The following PTPRS variants were observed in gnomAD, a reference collection of about 807,000 sequenced individuals.
The protein encoded by PTPRS is receptor-type tyrosine-protein phosphatase S.
In PTPRS, 63 loss-of-function variants were observed where a neutral mutation model predicts 215.3. The observed-to-expected ratio is 0.29, with a 90% CI of 0.24 to 0.36. The LOEUF is 0.36. Ranked by LOEUF, PTPRS falls within the 10% of genes least tolerant of loss-of-function variation. PTPRS has a pLI of 1.00. For synonymous variants in PTPRS, 1,404 were observed against 1,191.4 expected, an observed-to-expected ratio of 1.18 and a Z score of -3.68; for missense variants, 2,258 against 2,825.8, an observed-to-expected ratio of 0.80 and a Z score of 4.56.
intron 1 of PTPRS, among the ~76,000 whole-genome samples, chr19:5,331,188 T>A (rs1270779046): frequency 7.0e-6 from 1 of 142,808 alleles, no homozygotes; most frequent in African/African-American, 2.7e-5. Context: ...TGGAGTGGAG[T>A]GATGCAATCA....
Position 5,245,903 on chromosome 19 carries a change from G to A in PTPRS, c.861C>T (p.Pro287=), listed in dbSNP as rs377361599. The A allele has an allele frequency of 3.8e-5, 61 of 1,613,832 alleles. No individual in the cohort carries two copies. Among genetic ancestry groups the A allele is most frequent in the Non-Finnish European group, 4.2e-5 (49 of 1,179,992 alleles). The change falls in exon 10 of 38, where the codon CCC becomes CCT. Residue 287 remains proline (P), a synonymous_variant. Transcript: ENST00000262963. ...TCCGACCCACGGGCATGTCATCCTC[G>A]GGGGTCAGGTCCTCGGCCCCCTGCA... ...KWMQGAEDLT[P]EDDMPVGRNV...
At chr19:5,298,663 G>T (rs1366872385) in intron 1 of PTPRS, among the ~76,000 whole-genome samples, 1 of 152,214 alleles carries the variant, frequency 6.6e-6, no homozygotes, top group East Asian at 1.9e-4. Context: ...CCTGGCGCCG[G>T]GTCTACCCGC....
intron 19 of PTPRS, among the ~76,000 whole-genome samples, chr19:5,221,631 G>A (rs929182912): frequency 6.6e-6 from 1 of 152,066 alleles, no homozygotes; most frequent in African/African-American, 2.4e-5. Context: ...ACCCACCTCT[G>A]AGACCTGATC....
intron 17 of PTPRS, among the ~76,000 whole-genome samples, chr19:5,225,348 T>C (rs1257734487): frequency 1.3e-5 from 2 of 152,042 alleles, no homozygotes; most frequent in African/African-American, 2.4e-5. Flanking sequence ...AGGGAAGGCT[T>C]TCCAGGGCCA....
At chr19:5,334,646 C>T (rs754731149) in intron 1 of PTPRS, among the ~76,000 whole-genome samples, 19 of 152,164 alleles carry the variant, frequency 1.2e-4, no homozygotes, top group African/African-American at 3.6e-4. Context: ...GTCTCTGTAG[C>T]GATTCAGGTG....
chr19:5,269,297 C>T (rs372446108), intron 4 of PTPRS, among the ~76,000 whole-genome samples: 12 of 152,110 alleles, frequency 7.9e-5, no homozygotes, highest in African/African-American at 2.4e-4. Context: ...AGGTCTCGGC[C>T]GCCTGACGCT....
intron 1 of PTPRS, among the ~76,000 whole-genome samples, chr19:5,298,763 C>T (rs1198115050): frequency 6.6e-6 from 1 of 152,246 alleles, no homozygotes; most frequent in East Asian, 1.9e-4. Flanking sequence ...GCAGGCCAGG[C>T]TACCTTCCCC....
intron 16 of PTPRS, among the ~76,000 whole-genome samples, chr19:5,228,873 G>A (rs1426650957): frequency 1.3e-5 from 2 of 152,176 alleles, no homozygotes; most frequent in Non-Finnish European, 2.9e-5. Flanking sequence ...GAATGAAGAC[G>A]ACAGCATATC....
intron 14 of PTPRS, 67 bp downstream of exon 14, chr19:5,231,242 TG>T: frequency 6.8e-7 from 1 of 1,480,382 alleles, no homozygotes; most frequent in South Asian, 1.3e-5. Context: ...GGTTTCCAGA[TG>T]GAAGGCTTCG....
At chr19:5,229,173 A>G in intron 16 of PTPRS, 143 bp downstream of exon 16, 2 of 943,168 alleles carry the variant, frequency 2.1e-6, no homozygotes, top group Non-Finnish European at 2.8e-6. Context: ...TCCAAGAGGT[A>G]ATGGGAGAGC....
Position 5,257,442 on chromosome 19 carries a change from T to C in PTPRS, c.706+575A>G. Reference sequence around the variant, plus strand: ...TGGACTGCCCTTCTCGGAGAGTCATTAGGAAGAGGCAGAAGGCGCCGGGCT... The same window carrying C: ...TGGACTGCCCTTCTCGGAGAGTCATCAGGAAGAGGCAGAAGGCGCCGGGCT... On this transcript the variant is annotated intron_variant, in intron 8 of 37. Coordinates refer to ENST00000262963, the MANE Select transcript of PTPRS (RefSeq NM_002850.4). This position sits in a 1 kb window ranked among gnomAD's most constrained non-coding sequence, Gnocchi z 4.4. 2 of 457,830 alleles carry C rather than the reference T, an allele frequency of 4.4e-6. No homozygotes were observed. The highest frequency in any genetic ancestry group is 8.8e-6 in the Non-Finnish European group (2 of 227,904). The allele number at this position is 457,830 out of a possible 1,614,324, so 28.4% of individuals were successfully genotyped here. A position where few individuals can be genotyped will look rare whatever the true frequency, so the allele number is the denominator to read the frequency against.
chr19:5,222,675 C>G lies in PTPRS; in HGVS notation c.3103+14G>C, dbSNP rs377552087. 6 of 1,544,970 alleles carry G rather than the reference C, an allele frequency of 3.9e-6. No individual in the cohort carries two copies. In the African/African-American group the frequency reaches 6.8e-5, roughly 18 times the overall value. On this transcript the variant is annotated intron_variant, in intron 18 of 37. Coordinates refer to ENST00000262963, the MANE Select transcript of PTPRS (RefSeq NM_002850.4). ...CCCGGTCCGGCTCTGGTGCAGGGGT[C>G]GCCGCGCGCCTACCTTGGTCCCGCA...
intron 1 of PTPRS, among the ~76,000 whole-genome samples, chr19:5,340,021 G>A (rs933647627): frequency 5.3e-5 from 8 of 151,790 alleles, no homozygotes; most frequent in African/African-American, 1.9e-4. Context: ...CCTCCCATAA[G>A]GCAACGACAG....
At chr19:5,323,132 A>AGATC (rs958475883) in intron 1 of PTPRS, among the ~76,000 whole-genome samples, 1 of 151,794 alleles carries the variant, frequency 6.6e-6, no homozygotes, top group Non-Finnish European at 1.5e-5. Context: ...CGAGGAGGGC[A>AGATC]GATCATTTGA....
intron 26 of PTPRS, among the ~76,000 whole-genome samples, chr19:5,215,923 C>T (rs904263245): frequency 2.0e-5 from 3 of 152,128 alleles, no homozygotes; most frequent in South Asian, 2.1e-4. Flanking sequence ...AGAAGGGTCA[C>T]CCCAGAGGAT....
intron 5 of PTPRS, among the ~76,000 whole-genome samples, chr19:5,264,802 G>A (rs2046283493): frequency 6.6e-6 from 1 of 152,166 alleles, no homozygotes; most frequent in Non-Finnish European, 1.5e-5. Flanking sequence ...TAGCTCTCCA[G>A]TACTCATGCC....
intron 1 of PTPRS, among the ~76,000 whole-genome samples, chr19:5,298,511 G>C (rs1164406797): frequency 6.6e-6 from 1 of 152,340 alleles, no homozygotes; most frequent in East Asian, 1.9e-4. Flanking sequence ...AAACTGGTTG[G>C]GCAGCTTCCT....
At chr19:5,312,182 C>G (rs1568605880) in intron 1 of PTPRS, among the ~76,000 whole-genome samples, 1 of 152,068 alleles carries the variant, frequency 6.6e-6, no homozygotes. Flanking sequence ...TCAGGAGGGG[C>G]TGGGCATGTA....
chr19:5,227,653 A>T (rs957453361), intron 16 of PTPRS, among the ~76,000 whole-genome samples: 1 of 135,058 alleles, frequency 7.4e-6, no homozygotes, highest in African/African-American at 2.8e-5. Flanking sequence ...CAGCTGATCC[A>T]CCCGTCTTGG....
Sources: allele counts gnomAD v4.1 joint callset (sites outside exome capture counted in the v4.1 genomes callset), GRCh38; gene constraint gnomAD v4.1.1; non-coding constraint Gnocchi (gnomAD v3.1); transcripts MANE v1.5; gene names NCBI Gene and HGNC (gene_info 2026-07-23, HGNC 2026-07-21).